The following PPP3CA variants were observed in gnomAD, a reference collection of about 807,000 sequenced individuals.
PPP3CA encodes protein phosphatase 3 catalytic subunit alpha.
PPP3CA carries 14 observed loss-of-function variants against 66.5 expected under a neutral mutation model. That is an observed-to-expected ratio of 0.21 (90% confidence interval 0.14 to 0.33). The LOEUF is 0.33. Among genes scored for constraint, PPP3CA ranks in the 10% least tolerant of loss-of-function variants. The pLI is 1.00. For missense variants in PPP3CA, 317 were observed against 639.5 expected, an observed-to-expected ratio of 0.50 and a Z score of 5.44; for synonymous variants, 232 against 226.2, an observed-to-expected ratio of 1.03 and a Z score of -0.23.
At position 101,024,807 on chromosome 4, in the gene PPP3CA, A is replaced by C. The variant is rs1163388584; in HGVS notation, c.*1058T>G. The C allele has an allele frequency of 6.6e-6, 1 of 152,624 alleles. No individual in the cohort carries two copies. Among genetic ancestry groups the C allele is most frequent in the Admixed American group, 6.5e-5 (1 of 15,284 alleles). The allele number at this position is 152,624 out of a possible 1,614,324, so 9.5% of individuals were successfully genotyped here. ...CTTTTTTTTGATTACAAAATTTCAA[A>C]GGCATTAAGCATTTTAGAGAATATA... On this transcript the variant is annotated 3_prime_UTR_variant, in exon 14 of 14. Transcript: ENST00000394854.
chr4:101,237,873 G>A (rs1247644211), intron 1 of PPP3CA, among the ~76,000 whole-genome samples: 1 of 152,022 alleles, frequency 6.6e-6, no homozygotes, highest in Non-Finnish European at 1.5e-5. Context: ...GTGCCACTCA[G>A]GGTTGCACTA....
chr4:101,040,492 A>C lies in PPP3CA; in HGVS notation c.1231T>G (p.Ser411Ala). The C allele has an allele frequency of 1.2e-6, 2 of 1,611,662 alleles. No individual in the cohort carries two copies. Among genetic ancestry groups the C allele is most frequent in the Non-Finnish European group, 1.7e-6 (2 of 1,178,840 alleles). Residue 411 changes from serine (S) to alanine (A), a missense_variant, in exon 11 of 14, where the codon TCA becomes GCA. By Grantham distance (99) the Ser-to-Ala change is moderately conservative. Around this residue, in one of 3 missense-constraint regions of PPP3CA, gnomAD observed 201 missense variants for 501.4 expected, o/e 0.40. Transcript: ENST00000394854. ...TACGAATGCACCCACCTGAGCACTG[A>C]GAACACTCTGGCCATTTTGCCTATT... The part of the protein sequence containing the change: ...RAIGKMARVF[S>A]VLREESESVL...
At chr4:101,279,302 A>G (rs1727607623) in intron 1 of PPP3CA, among the ~76,000 whole-genome samples, 1 of 152,212 alleles carries the variant, frequency 6.6e-6, no homozygotes, top group African/African-American at 2.4e-5. Context: ...AAGGTGAGAA[A>G]CAAGTTTGGG....
At chr4:101,165,511 C>T (rs1166191441) in intron 2 of PPP3CA, among the ~76,000 whole-genome samples, 2 of 152,032 alleles carry the variant, frequency 1.3e-5, no homozygotes, top group Non-Finnish European at 2.9e-5. Context: ...CCAATCAGAC[C>T]TCATTCTCAA....
chr4:101,337,134 T>C (rs1248719420), intron 1 of PPP3CA, among the ~76,000 whole-genome samples: 1 of 152,228 alleles, frequency 6.6e-6, no homozygotes, highest in Non-Finnish European at 1.5e-5. Flanking sequence ...GAATCATCTA[T>C]TCTCTCCATT....
At chr4:101,285,797 C>A (rs1391188756) in intron 1 of PPP3CA, among the ~76,000 whole-genome samples, 1 of 152,144 alleles carries the variant, frequency 6.6e-6, no homozygotes, top group Non-Finnish European at 1.5e-5. Context: ...TTAATCAATA[C>A]TAGTGTGAAT....
chr4:101,052,306 A>C (rs1334068563), intron 10 of PPP3CA, among the ~76,000 whole-genome samples: 1 of 152,096 alleles, frequency 6.6e-6, no homozygotes, highest in Non-Finnish European at 1.5e-5. Context: ...AAATGTCAAT[A>C]GCCCTAAATA....
At chr4:101,214,212 A>C (rs1176488193) in intron 1 of PPP3CA, among the ~76,000 whole-genome samples, 3 of 152,114 alleles carry the variant, frequency 2.0e-5, no homozygotes, top group Non-Finnish European at 4.4e-5. Flanking sequence ...CTCCGATTAC[A>C]TGTATTCAAA....
At chr4:101,031,991 A>G (rs1726987246) in intron 12 of PPP3CA, among the ~76,000 whole-genome samples, 1 of 152,232 alleles carries the variant, frequency 6.6e-6, no homozygotes, top group African/African-American at 2.4e-5. Flanking sequence ...CATGTAGGCA[A>G]CCTAAATGAG....
chr4:101,089,031 A>T (rs1729796810), intron 6 of PPP3CA, among the ~76,000 whole-genome samples: 1 of 152,346 alleles, frequency 6.6e-6, no homozygotes, highest in Admixed American at 6.5e-5. Context: ...CCTTTCAGGC[A>T]TGGTGAGTTT....
chr4:101,093,403 T>C (rs1425243014), intron 6 of PPP3CA, among the ~76,000 whole-genome samples: 1 of 142,492 alleles, frequency 7.0e-6, no homozygotes, highest in African/African-American at 2.7e-5. Flanking sequence ...GGTATGTACA[T>C]TTGTTTTTTT....
At chr4:101,193,761 A>T (rs1578540686) in intron 2 of PPP3CA, among the ~76,000 whole-genome samples, 1 of 150,232 alleles carries the variant, frequency 6.7e-6, no homozygotes, top group African/African-American at 2.5e-5. Context: ...TGAACACTTG[A>T]AGAGAAAGTC....
intron 1 of PPP3CA, among the ~76,000 whole-genome samples, chr4:101,226,383 T>A (rs1161517718): frequency 6.6e-6 from 1 of 151,776 alleles, no homozygotes; most frequent in Non-Finnish European, 1.5e-5. Context: ...AATGGTTACA[T>A]GTTTCAATAA....
chr4:101,321,912 T>C (rs1000700095), intron 1 of PPP3CA, among the ~76,000 whole-genome samples: 7 of 152,150 alleles, frequency 4.6e-5, no homozygotes, highest in Non-Finnish European at 8.8e-5. Context: ...ACAGAGGATG[T>C]CTTCACTGCA....
At chr4:101,210,399 C>T (rs1725264462) in intron 1 of PPP3CA, among the ~76,000 whole-genome samples, 1 of 152,142 alleles carries the variant, frequency 6.6e-6, no homozygotes, top group African/African-American at 2.4e-5. Flanking sequence ...GTAAACCGTA[C>T]CATCTTGAGC....
intron 8 of PPP3CA, among the ~76,000 whole-genome samples, chr4:101,076,158 A>C (rs1729181597): frequency 6.6e-6 from 1 of 152,164 alleles, no homozygotes; most frequent in South Asian, 2.1e-4. Flanking sequence ...AAAATTCAAC[A>C]ATCCAGATGT....
intron 1 of PPP3CA, among the ~76,000 whole-genome samples, chr4:101,298,339 G>GATATAT (rs3078022): frequency 0.079 from 11,285 of 143,654 alleles, 1,429 homozygotes; most frequent in African/African-American, 0.27. Flanking sequence ...CAAGCAGGGA[G>GATATAT]ATATATATAT....
intron 1 of PPP3CA, among the ~76,000 whole-genome samples, chr4:101,309,296 C>T (rs190363714): frequency 3.0e-4 from 45 of 152,254 alleles, no homozygotes; most frequent in African/African-American, 9.6e-4. Context: ...CCTGTTGCTT[C>T]CAGTTACAAG....
chr4:101,318,757 T>C (rs2110319151), intron 1 of PPP3CA, among the ~76,000 whole-genome samples: 1 of 152,300 alleles, frequency 6.6e-6, no homozygotes, highest in East Asian at 1.9e-4. Context: ...AACCTTATGC[T>C]TGAGTCTAAC....
Sources: gnomAD v4.1 joint callset for allele counts (sites outside exome capture counted in the v4.1 genomes callset) on GRCh38, gnomAD v4.1.1 for gene constraint, gnomAD v4.1.1 regional missense constraint, MANE v1.5 for transcripts, NCBI Gene and HGNC (gene_info 2026-07-23, HGNC 2026-07-21) for gene names.